CSMD1: variants seen among roughly 807,000 people sequenced by gnomAD.
CSMD1 encodes the protein CUB and Sushi multiple domains 1.
Under a neutral mutation model 417.5 loss-of-function variants are expected in CSMD1, and 213 were observed. That is an observed-to-expected ratio of 0.51 (90% CI 0.46 to 0.57). The LOEUF (loss-of-function observed/expected upper bound fraction) is 0.57. CSMD1 is among the 20% of genes least tolerant of loss of function. The pLI is 0.00. For synonymous variants in CSMD1, 2,862 were observed against 1,736.8 expected (o/e 1.65, Z -16.11); for missense variants, 6,923 against 4,529.7 (o/e 1.53, Z -15.17).
intron 20 of CSMD1, among the ~76,000 whole-genome samples, chr8:3,365,277 G>A (rs1809481458): frequency 6.6e-6 from 1 of 152,148 alleles, no homozygotes; most frequent in Admixed American, 6.5e-5. Flanking sequence ...CTTGAGTAGT[G>A]AAATACCAAG....
At chr8:4,070,057 T>C (rs371032151) in intron 3 of CSMD1, among the ~76,000 whole-genome samples, 5 of 152,272 alleles carry the variant, frequency 3.3e-5, no homozygotes, top group African/African-American at 7.2e-5. Flanking sequence ...AACTATACTT[T>C]TCGCAGTGTT....
chr8:4,478,455 A>G (rs1005609924), intron 2 of CSMD1, among the ~76,000 whole-genome samples: 1 of 152,172 alleles, frequency 6.6e-6, no homozygotes, highest in Non-Finnish European at 1.5e-5. Flanking sequence ...TTAGATAAAA[A>G]TTGAATCAAT....
intron 3 of CSMD1, among the ~76,000 whole-genome samples, chr8:4,209,385 G>A (rs1800168273): frequency 6.6e-6 from 1 of 152,108 alleles, no homozygotes; most frequent in Non-Finnish European, 1.5e-5. Flanking sequence ...TCCTTCTGAT[G>A]CCGAAGACTC....
chr8:3,106,951 A>C, intron 45 of CSMD1: 1 of 233,420 alleles, frequency 4.3e-6, no homozygotes, highest in Admixed American at 5.5e-5. Flanking sequence ...AGTAAAGTAG[A>C]AGCTATGGTT....
At chr8:3,193,590 C>G (rs2129051949) in intron 33 of CSMD1, among the ~76,000 whole-genome samples, 1 of 152,226 alleles carries the variant, frequency 6.6e-6, no homozygotes, top group East Asian at 1.9e-4. Context: ...CTGTCGTCAT[C>G]ATTCTCTATC....
chr8:4,290,849 A>C (rs1234499673), intron 3 of CSMD1, among the ~76,000 whole-genome samples: 1 of 152,222 alleles, frequency 6.6e-6, no homozygotes, highest in African/African-American at 2.4e-5. Flanking sequence ...AAATGAAAAT[A>C]TCCATCTGTT....
chr8:4,490,866 G>A (rs569721373), intron 2 of CSMD1, among the ~76,000 whole-genome samples: 13 of 152,342 alleles, frequency 8.5e-5, no homozygotes, highest in African/African-American at 1.2e-4. Flanking sequence ...GTTACAGGAC[G>A]TGATTTAATA....
At chr8:3,546,997 T>C (rs1348974777) in intron 10 of CSMD1, among the ~76,000 whole-genome samples, 1 of 152,158 alleles carries the variant, frequency 6.6e-6, no homozygotes, top group Non-Finnish European at 1.5e-5. Context: ...CTGAACAGCG[T>C]CTCCCCTCCT....
chr8:4,196,780 A>AT (rs1563257209), intron 3 of CSMD1, among the ~76,000 whole-genome samples: 1 of 152,060 alleles, frequency 6.6e-6, no homozygotes, highest in Non-Finnish European at 1.5e-5. Context: ...CCTTTTTCCC[A>AT]TAAAGCAACC....
chr8:3,965,501 A>T lies in CSMD1; in HGVS notation c.818+32402T>A, dbSNP rs530737605. 2.0e-5 allele frequency among the ~76,000 whole-genome samples: 3 copies of T among 152,338 alleles called. No individual in the cohort carries two copies. The South Asian group carries it at 6.2e-4, about 32-fold the overall frequency. ...ATATCACAAAACCAAAGTAAAGTTG[A>T]AAAACTATGGTTCGGCTGAAACAAT... On this transcript the variant is annotated intron_variant, in intron 5 of 69. Transcript: ENST00000635120.
chr8:3,918,322 A>G (rs896911604), intron 5 of CSMD1, among the ~76,000 whole-genome samples: 3 of 152,102 alleles, frequency 2.0e-5, no homozygotes, highest in African/African-American at 4.8e-5. Context: ...TCCTACCACC[A>G]GTGTACAGAG....
chr8:3,831,761 A>G (rs1037245389), intron 5 of CSMD1, among the ~76,000 whole-genome samples: 1 of 152,162 alleles, frequency 6.6e-6, no homozygotes, highest in African/African-American at 2.4e-5. Context: ...GGGTAGCACA[A>G]CACATAGCCA....
chr8:3,624,046 T>C (rs1000209724), intron 7 of CSMD1, among the ~76,000 whole-genome samples: 1 of 152,210 alleles, frequency 6.6e-6, no homozygotes, highest in Admixed American at 6.5e-5. Context: ...ACATTATGCG[T>C]TGAAGGGCTT....
chr8:4,856,870 C>T (rs1403271177), intron 1 of CSMD1, among the ~76,000 whole-genome samples: 2 of 152,068 alleles, frequency 1.3e-5, no homozygotes, highest in African/African-American at 4.8e-5. Context: ...GACAGAAAGT[C>T]AACAAGGATA....
At chr8:3,523,078 C>A (rs1041066009) in intron 10 of CSMD1, among the ~76,000 whole-genome samples, 2 of 151,664 alleles carry the variant, frequency 1.3e-5, no homozygotes, top group African/African-American at 4.8e-5. Flanking sequence ...GAATTCAGGT[C>A]TCTAACTCCA....
At chr8:3,380,057 C>T (rs556560342) in intron 18 of CSMD1, among the ~76,000 whole-genome samples, 2 of 152,236 alleles carry the variant, frequency 1.3e-5, no homozygotes, top group East Asian at 1.9e-4. Context: ...CAAAAAACAA[C>T]CCCATCAAAA....
intron 45 of CSMD1, 187 bp from the exon 46 acceptor site, chr8:3,106,828 C>A: frequency 2.1e-6 from 1 of 479,098 alleles, no homozygotes; most frequent in South Asian, 3.9e-5. Flanking sequence ...TAAAAATGCT[C>A]TATTAAGCTT....
intron 10 of CSMD1, among the ~76,000 whole-genome samples, chr8:3,508,802 C>T (rs1006475080): frequency 6.6e-6 from 1 of 152,188 alleles, no homozygotes; most frequent in Non-Finnish European, 1.5e-5. Flanking sequence ...ACCACCTACG[C>T]TTTTCCCATT....
intron 3 of CSMD1, among the ~76,000 whole-genome samples, chr8:4,337,587 C>T (rs1455616151): frequency 6.6e-6 from 1 of 152,092 alleles, no homozygotes; most frequent in Non-Finnish European, 1.5e-5. Context: ...ATTCTTCAAA[C>T]TCAAAATTCT....
Sources: gnomAD v4.1 joint callset for allele counts (sites outside exome capture counted in the v4.1 genomes callset) on GRCh38, gnomAD v4.1.1 for gene constraint, MANE v1.5 for transcripts, NCBI Gene and HGNC (gene_info 2026-07-23, HGNC 2026-07-21) for gene names.